Variants in MED13L observed in about 807,000 individuals in gnomAD.
MED13L encodes the protein mediator complex subunit 13L.
MED13L carries 7 observed loss-of-function variants against 220.9 expected under a neutral mutation model. The observed-to-expected ratio is 0.03, with a 90% CI of 0.02 to 0.06. MED13L has a LOEUF of 0.06. MED13L is among the 10% of genes least tolerant of loss of function. MED13L has a pLI of 1.00. For synonymous variants in MED13L, 1,011 were observed against 1,015.2 expected, an observed-to-expected ratio of 1.00 and a Z score of 0.08; for missense variants, 1,965 against 2,760.5, an observed-to-expected ratio of 0.71 and a Z score of 6.46.
rs57622950 is a variant in MED13L, at chr12:116,119,809, TAAAAAAAAAAAAAAAA to T, written c.311-8313_311-8298del. Among the ~76,000 whole-genome samples, 174 of 38,796 alleles carry T rather than the reference TAAAAAAAAAAAAAAAA, an allele frequency of 4.5e-3. 1 individual carries two copies. The highest frequency in any genetic ancestry group is 0.017 in the Middle Eastern group (1 of 60). 25.5% of individuals were successfully genotyped at this position (38,796 alleles called of 152,430 possible). On this transcript the variant is annotated intron_variant, in intron 2 of 30. Coordinates refer to ENST00000281928, the MANE Select transcript of MED13L (RefSeq NM_015335.5). ...GCAAGAGAGAAAGACCCCATATCTT[TAAAAAAAAAAAAAAAA>T]AAAAAAAAAAAAAATATATATATAT... is the stretch of plus-strand genomic sequence containing the variant.
intron 4 of MED13L, among the ~76,000 whole-genome samples, chr12:116,081,647 G>GC (rs1210807754): frequency 6.6e-6 from 1 of 152,164 alleles, no homozygotes; most frequent in Non-Finnish European, 1.5e-5. Context: ...ACTTTGGAAG[G>GC]CCAAGGCACT....
intron 4 of MED13L, among the ~76,000 whole-genome samples, chr12:116,092,424 C>T (rs963585694): frequency 1.3e-5 from 2 of 152,076 alleles, no homozygotes; most frequent in African/African-American, 4.8e-5. Context: ...GCAGGTTTGC[C>T]CATGAGTCAG....
chr12:116,013,465 G>A (rs1879540592), intron 8 of MED13L, among the ~76,000 whole-genome samples: 1 of 152,136 alleles, frequency 6.6e-6, no homozygotes, highest in Admixed American at 6.5e-5. Context: ...ATGTGCACAT[G>A]AAACATAAAT....
In MED13L at chr12:116,205,803, G is replaced by A. The variant is rs141378338; in HGVS notation, c.310+31665C>T. On this transcript the variant is annotated intron_variant, in intron 2 of 30. Transcript: ENST00000281928. ...CTTGAGAAAGCAGTTAACACTTCCC[G>A]CTCTGAGGAAATGAAAGCCGCCTCA... is the stretch of plus-strand genomic sequence containing the variant. 2.0e-3 allele frequency among the ~76,000 whole-genome samples: 310 copies of A among 151,976 alleles called. 1 individual carries two copies. Among genetic ancestry groups the A allele is most frequent in the Non-Finnish European group, 3.1e-3 (211 of 67,980 alleles).
chr12:116,031,643 GGGGAC>G lies in MED13L; in HGVS notation c.480-9047_480-9043del, dbSNP rs755149086. 1.5e-3 allele frequency among the ~76,000 whole-genome samples: 149 copies of G among 102,310 alleles called. 3 individuals carry two copies. The highest frequency in any genetic ancestry group is 3.9e-3 in the East Asian group (11 of 2,850). The allele number at this position is 102,310 out of a possible 152,430, so 67.1% of individuals were successfully genotyped here. ...GGAGGGGAGGGGAGGGGAGGGGAGG[GGGGAC>G]GGGACGGGACGGGACGGGAGAAAAG... On this transcript the variant is annotated intron_variant, in intron 4 of 30. Coordinates refer to ENST00000281928, the MANE Select transcript of MED13L (RefSeq NM_015335.5).
intron 2 of MED13L, among the ~76,000 whole-genome samples, chr12:116,200,109 G>A (rs572196852): frequency 6.7e-6 from 1 of 150,112 alleles, no homozygotes; most frequent in African/African-American, 2.4e-5. Flanking sequence ...GAAGAAGAAG[G>A]AAAAAGCAAA....
rs181977724 is a variant in MED13L, at chr12:116,250,264, C to T, written c.73-12559G>A. 5.7e-4 allele frequency among the ~76,000 whole-genome samples: 86 copies of T among 149,768 alleles called. 1 individual carries two copies. The highest frequency in any genetic ancestry group is 3.5e-3 in the Middle Eastern group (1 of 288). The stretch of plus-strand genomic sequence containing the variant: ...CAAATCTAGACTTTTAGATCAAAGA[C>T]GAATAGCCCTCAAAAATTAAGGTAA... On this transcript the variant is annotated intron_variant, in intron 1 of 30. Coordinates refer to ENST00000281928, the MANE Select transcript of MED13L (RefSeq NM_015335.5).
At chr12:116,271,904 AACAC>A (rs1213656729) in intron 1 of MED13L, among the ~76,000 whole-genome samples, 1 of 151,880 alleles carries the variant, frequency 6.6e-6, no homozygotes, top group Non-Finnish European at 1.5e-5. Context: ...TTTCAAAAAA[AACAC>A]ACACACACAC....
chr12:116,083,401 A>AGG (rs1299146348), intron 4 of MED13L, among the ~76,000 whole-genome samples: 4 of 76,300 alleles, frequency 5.2e-5, no homozygotes, highest in Non-Finnish European at 9.1e-5. Context: ...GACTGTCTCG[A>AGG]GGGAAAAAAA....
At position 116,145,685 on chromosome 12, in the gene MED13L, A is replaced by ATTTG. The variant is rs1450799115; in HGVS notation, c.311-34174_311-34173insCAAA. Among the ~76,000 whole-genome samples, 703 of 135,324 alleles carry ATTTG rather than the reference A, an allele frequency of 5.2e-3. 8 individuals are homozygous for ATTTG. Among genetic ancestry groups the ATTTG allele is most frequent in the African/African-American group, 0.02 (627 of 32,150 alleles). The allele number at this position is 135,324 out of a possible 152,430, so 88.8% of individuals were successfully genotyped here. ...TATTTATTTATTTATTTATTTATTT[A>ATTTG]TTTATTTATTTATTTATTTTAAATT... On this transcript the variant is annotated intron_variant, in intron 2 of 30. Transcript: ENST00000281928.
chr12:116,226,299 C>T (rs1436586630), intron 2 of MED13L, among the ~76,000 whole-genome samples: 1 of 152,118 alleles, frequency 6.6e-6, no homozygotes, highest in South Asian at 2.1e-4. Flanking sequence ...GAACTCACTG[C>T]CAAATCCCAA....
chr12:116,246,095 G>A (rs1277808755), intron 1 of MED13L, among the ~76,000 whole-genome samples: 2 of 151,940 alleles, frequency 1.3e-5, no homozygotes, highest in African/African-American at 4.8e-5. Flanking sequence ...AGAAGGCAAA[G>A]GTGCAATAAC....
Position 116,019,336 on chromosome 12 carries a change from G to A in MED13L, c.897C>T (p.Ala299=). The A allele has an allele frequency of 6.2e-7, 1 of 1,613,980 alleles. No individual in the cohort carries two copies. The highest frequency in any genetic ancestry group is 8.5e-7 in the Non-Finnish European group (1 of 1,179,946). The part of the protein sequence containing the change: ...QNDIPVPQSV[A]SAGGHIAVGQ... ...CAACTGCAATGTGGCCTCCAGCACT[G>A]GCAACACTCTGAGGAACCGGGATGT... Residue 299 remains alanine (A), a synonymous_variant, in exon 7 of 31, where the codon GCC becomes GCT. Transcript: ENST00000281928.
chr12:116,006,380 G>T lies in MED13L; in HGVS notation c.2270C>A (p.Thr757Asn). 1 of 1,614,034 alleles carries T rather than the reference G, an allele frequency of 6.2e-7. No individual in the cohort carries two copies. The highest frequency in any genetic ancestry group is 8.5e-7 in the Non-Finnish European group (1 of 1,179,930). Residue 757 changes from threonine (T) to asparagine (N), a missense_variant, in exon 12 of 31, where the codon ACT becomes AAT. Thr to Asn is a moderately conservative substitution (Grantham distance 65, BLOSUM62 0). Coordinates refer to ENST00000281928, the MANE Select transcript of MED13L (RefSeq NM_015335.5). ...SEDGFGTKDV[T>N]TPGHSTPVPD... ...CACCGGCGTGGAATGACCTGGTGTA[G>T]TGACATCCTTGGTACCAAATCCATC...
chr12:116,149,031 C>T (rs1877814584), intron 2 of MED13L, among the ~76,000 whole-genome samples: 2 of 152,214 alleles, frequency 1.3e-5, no homozygotes, highest in African/African-American at 4.8e-5. Context: ...TTCCTACCCA[C>T]TAACAACTCA....
intron 2 of MED13L, among the ~76,000 whole-genome samples, chr12:116,183,358 A>G (rs1333138723): frequency 5.9e-5 from 9 of 152,232 alleles, no homozygotes; most frequent in Admixed American, 5.2e-4. Flanking sequence ...ATGCTCAAAT[A>G]TCAGACTCAT....
intron 2 of MED13L, among the ~76,000 whole-genome samples, chr12:116,187,497 T>C (rs546271924): frequency 2.9e-4 from 44 of 152,350 alleles, no homozygotes; most frequent in Admixed American, 9.8e-4. Context: ...TATCCCACAA[T>C]GCTGGACACA....
At chr12:116,214,563 A>G (rs1175848977) in intron 2 of MED13L, among the ~76,000 whole-genome samples, 1 of 152,180 alleles carries the variant, frequency 6.6e-6, no homozygotes, top group African/African-American at 2.4e-5. Flanking sequence ...AATTTGGATA[A>G]AATATATGTA....
intron 2 of MED13L, among the ~76,000 whole-genome samples, chr12:116,182,583 C>T (rs556091541): frequency 1.3e-5 from 2 of 152,314 alleles, no homozygotes; most frequent in African/African-American, 4.8e-5. Context: ...CCATTTGCTA[C>T]AGCTTACTGA....
Sources: gnomAD v4.1 joint callset for allele counts (sites outside exome capture counted in the v4.1 genomes callset) on GRCh38, gnomAD v4.1.1 for gene constraint, MANE v1.5 for transcripts, NCBI Gene and HGNC (gene_info 2026-07-23, HGNC 2026-07-21) for gene names.